The following GRB10 variants were observed in gnomAD, a reference collection of about 807,000 sequenced individuals.
The protein encoded by GRB10 is growth factor receptor bound protein 10.
Under a neutral mutation model 80.9 loss-of-function variants are expected in GRB10, and 20 were observed. That is an observed-to-expected ratio of 0.25 (90% CI 0.17 to 0.36). The LOEUF (loss-of-function observed/expected upper bound fraction) is 0.36, where lower values mean the gene tolerates loss of function less well. Among genes scored for constraint, GRB10 ranks in the 10% least tolerant of loss-of-function variants. The pLI is 1.00. For missense variants in GRB10, 548 were observed against 747.7 expected (o/e 0.73, Z 3.12); for synonymous variants, 291 against 291.5 (o/e 1.00, Z 0.02).
intron 7 of GRB10, among the ~76,000 whole-genome samples, chr7:50,640,323 C>G (rs2055993898): frequency 6.6e-6 from 1 of 152,252 alleles, no homozygotes; most frequent in Admixed American, 6.5e-5. Flanking sequence ...GTGGTCATGA[C>G]AGAGGCAGGT....
At chr7:50,595,349 G>T (rs1054627056) in intron 18 of GRB10, 88 bp downstream of exon 18, 4 of 794,132 alleles carry the variant, frequency 5.0e-6, no homozygotes, top group Non-Finnish European at 9.1e-6. Flanking sequence ...ATACTTACCG[G>T]TCTTGTCGGT....
intron 1 of GRB10, chr7:50,792,720 G>A (rs983920697): frequency 6.0e-6 from 2 of 333,418 alleles, no homozygotes; most frequent in African/African-American, 4.3e-5. Context: ...TGTCCCGGAC[G>A]CCCGGACGCC....
At chr7:50,743,158 G>A (rs1293442977) in intron 3 of GRB10, among the ~76,000 whole-genome samples, 1 of 152,208 alleles carries the variant, frequency 6.6e-6, no homozygotes, top group African/African-American at 2.4e-5. Context: ...AGATTCAAGA[G>A]CTATTTTAAT....
chr7:50,694,809 T>C (rs1382552113), intron 5 of GRB10, among the ~76,000 whole-genome samples: 2 of 152,226 alleles, frequency 1.3e-5, no homozygotes, highest in Non-Finnish European at 2.9e-5. Context: ...TATTACTTTT[T>C]TTCCATTGTA....
At chr7:50,720,796 A>G (rs1045503293) in intron 4 of GRB10, among the ~76,000 whole-genome samples, 13 of 151,708 alleles carry the variant, frequency 8.6e-5, no homozygotes, top group Admixed American at 3.9e-4. Context: ...AAAAAAAAAA[A>G]GTTGCCGTTT....
chr7:50,709,681 G>T (rs1314144595), intron 4 of GRB10, among the ~76,000 whole-genome samples: 1 of 151,936 alleles, frequency 6.6e-6, no homozygotes, highest in Non-Finnish European at 1.5e-5. Flanking sequence ...AGGGCTGGAG[G>T]TTTCAAAGAG....
At chr7:50,674,866 T>C (rs1312193036) in intron 5 of GRB10, among the ~76,000 whole-genome samples, 2 of 152,162 alleles carry the variant, frequency 1.3e-5, no homozygotes, top group African/African-American at 4.8e-5. Flanking sequence ...CCAGAGACAA[T>C]TCAATCATTA....
At chr7:50,756,091 T>C (rs2075037264) in intron 2 of GRB10, 35 bp from the exon 3 acceptor site, 2 of 398,510 alleles carry the variant, frequency 5.0e-6, no homozygotes, top group Non-Finnish European at 4.4e-6. Flanking sequence ...TGAACTTCCG[T>C]AGAATTTATA....
At chr7:50,705,039 T>C (rs2064840216) in intron 4 of GRB10, 1 of 578,836 alleles carries the variant, frequency 1.7e-6, no homozygotes, top group African/African-American at 2.0e-5. Flanking sequence ...TCTTAATTTC[T>C]GCCTGAATGC....
chr7:50,675,845 C>A (rs1162179637), intron 5 of GRB10, among the ~76,000 whole-genome samples: 1 of 152,138 alleles, frequency 6.6e-6, no homozygotes, highest in Non-Finnish European at 1.5e-5. Flanking sequence ...GGAAAGGGAG[C>A]CAGGAGCTAG....
intron 7 of GRB10, among the ~76,000 whole-genome samples, chr7:50,629,730 G>A (rs775970303): frequency 5.3e-5 from 8 of 152,202 alleles, no homozygotes; most frequent in Non-Finnish European, 8.8e-5. Flanking sequence ...CACTGACCAC[G>A]GAGTCTTTTA....
chr7:50,656,877 TC>T (rs1426391623), intron 7 of GRB10, among the ~76,000 whole-genome samples: 7 of 152,184 alleles, frequency 4.6e-5, no homozygotes, highest in African/African-American at 1.4e-4. Context: ...CTATAAAACA[TC>T]CTCAACCTTT....
At chr7:50,725,353 T>C (rs1426380448) in intron 4 of GRB10, among the ~76,000 whole-genome samples, 1 of 152,198 alleles carries the variant, frequency 6.6e-6, no homozygotes, top group Non-Finnish European at 1.5e-5. Context: ...TCCTGAGGCC[T>C]TCCAGCCATG....
At chr7:50,682,947 T>C (rs1329474230) in intron 5 of GRB10, among the ~76,000 whole-genome samples, 1 of 152,240 alleles carries the variant, frequency 6.6e-6, no homozygotes, top group African/African-American at 2.4e-5. Context: ...TTTCTTTCTT[T>C]GTTCTATTTT....
At chr7:50,786,875 A>C (rs1315023140), upstream of GRB10, among the ~76,000 whole-genome samples, 1 of 152,244 alleles carries the variant, frequency 6.6e-6, no homozygotes, top group East Asian at 1.9e-4. Flanking sequence ...GCCTCAGAGC[A>C]ACCCAGCCTG....
At chr7:50,608,177 G>A (rs1277401060) in intron 13 of GRB10, among the ~76,000 whole-genome samples, 8 of 152,168 alleles carry the variant, frequency 5.3e-5, no homozygotes, top group Admixed American at 4.6e-4. Context: ...ATATATCATG[G>A]AAAAATTGCT....
At chr7:50,674,980 C>T (rs1471284198) in intron 5 of GRB10, among the ~76,000 whole-genome samples, 1 of 152,192 alleles carries the variant, frequency 6.6e-6, no homozygotes, top group African/African-American at 2.4e-5. Flanking sequence ...CTCCGGTAGG[C>T]CGCACACAGC....
intron 5 of GRB10, among the ~76,000 whole-genome samples, chr7:50,687,245 T>C (rs2062206897): frequency 6.6e-6 from 1 of 152,192 alleles, no homozygotes; most frequent in South Asian, 2.1e-4. Context: ...ATGGATGGCA[T>C]GTGTCCAAAG....
chr7:50,695,978 C>T (rs1030770487), intron 5 of GRB10, among the ~76,000 whole-genome samples: 3 of 152,106 alleles, frequency 2.0e-5, no homozygotes, highest in Non-Finnish European at 4.4e-5. Context: ...AGTACCGTAA[C>T]CTGTTTCCCT....
Sources: allele counts gnomAD v4.1 joint callset (sites outside exome capture counted in the v4.1 genomes callset), GRCh38; gene constraint gnomAD v4.1.1; transcripts MANE v1.5; gene names NCBI Gene and HGNC (gene_info 2026-07-23, HGNC 2026-07-21).